BMPER: variants seen among roughly 807,000 people sequenced by gnomAD.
BMPER encodes the protein BMP-binding endothelial regulator protein.
Under a neutral mutation model 87.3 loss-of-function variants are expected in BMPER, and 45 were observed. The ratio of observed to expected loss-of-function variants is 0.52; its 90% confidence interval spans 0.41 to 0.66. The LOEUF (loss-of-function observed/expected upper bound fraction) is 0.66, where lower values mean the gene tolerates loss of function less well. Ranked by LOEUF, BMPER falls within the 30% of genes least tolerant of loss-of-function variation. The pLI, the probability that BMPER is intolerant of heterozygous loss-of-function variation, is 0.00. For synonymous variants in BMPER, 326 were observed against 316.2 expected (o/e 1.03, Z -0.33); for missense variants, 784 against 867.5 (o/e 0.90, Z 1.21).
At chr7:34,094,763 G>C (rs1295513274) in intron 13 of BMPER, among the ~76,000 whole-genome samples, 1 of 152,158 alleles carries the variant, frequency 6.6e-6, no homozygotes, top group African/African-American at 2.4e-5. Context: ...GTTTGTGTGA[G>C]GGTTGCATCA....
chr7:34,077,993 C>T (rs377323480), intron 11 of BMPER, among the ~76,000 whole-genome samples: 221 of 151,766 alleles, frequency 1.5e-3, no homozygotes, highest in Admixed American at 2.6e-3. Flanking sequence ...TTTTTGAAAA[C>T]GGATAAAATA....
At chr7:33,962,660 A>G (rs1785299979) in intron 3 of BMPER, among the ~76,000 whole-genome samples, 1 of 152,174 alleles carries the variant, frequency 6.6e-6, no homozygotes, top group Admixed American at 6.5e-5. Context: ...TGGTTTAAAG[A>G]TATCGTAGTG....
At chr7:33,990,979 G>T (rs1448857028) in intron 6 of BMPER, among the ~76,000 whole-genome samples, 1 of 133,536 alleles carries the variant, frequency 7.5e-6, no homozygotes, top group Non-Finnish European at 1.6e-5. Context: ...CTTGATCATG[G>T]TGGATAAGCT....
intron 3 of BMPER, among the ~76,000 whole-genome samples, chr7:33,943,901 G>A (rs1389964844): frequency 1.3e-5 from 2 of 152,152 alleles, no homozygotes; most frequent in African/African-American, 4.8e-5. Context: ...GTGAGAAGTG[G>A]TATCAAGCTC....
At chr7:33,956,532 A>G (rs1029934692) in intron 3 of BMPER, among the ~76,000 whole-genome samples, 22 of 151,990 alleles carry the variant, frequency 1.4e-4, no homozygotes, top group African/African-American at 4.4e-4. Context: ...TAAAAGTTAT[A>G]CCCAAGTGTC....
intron 2 of BMPER, among the ~76,000 whole-genome samples, chr7:33,935,594 C>G (rs199930790): frequency 1.4e-5 from 2 of 147,598 alleles, no homozygotes; most frequent in African/African-American, 2.5e-5. Context: ...GAGAAAGAGA[C>G]AGAGAGAGAG....
At chr7:34,086,935 G>A (rs1050869417) in intron 13 of BMPER, among the ~76,000 whole-genome samples, 2 of 152,114 alleles carry the variant, frequency 1.3e-5, no homozygotes, top group African/African-American at 4.8e-5. Flanking sequence ...CAGCCCAAAA[G>A]GCCTTGTTTA....
At chr7:34,063,435 TTATC>T (rs1034205285) in intron 11 of BMPER, among the ~76,000 whole-genome samples, 10 of 151,886 alleles carry the variant, frequency 6.6e-5, no homozygotes, top group Non-Finnish European at 1.2e-4. Flanking sequence ...AATATAATAT[TTATC>T]TACTATATAT....
chr7:33,946,912 A>G (rs1784905898), intron 3 of BMPER, among the ~76,000 whole-genome samples: 1 of 152,224 alleles, frequency 6.6e-6, no homozygotes, highest in Non-Finnish European at 1.5e-5. Flanking sequence ...TTGTGAATCC[A>G]CGGGCCAGGT....
chr7:34,143,444 A>G, intron 14 of BMPER, 84 bp downstream of exon 14: 5 of 1,577,398 alleles, frequency 3.2e-6, no homozygotes, highest in Non-Finnish European at 4.3e-6. Context: ...GGATGCTGAC[A>G]TGAGTGGCCA....
intron 7 of BMPER, among the ~76,000 whole-genome samples, chr7:34,047,230 T>A (rs192797099): frequency 3.4e-4 from 52 of 152,266 alleles, no homozygotes; most frequent in Admixed American, 1.1e-3. Context: ...CATGAGGTTC[T>A]TTGGCTTTTG....
At chr7:33,983,182 A>G (rs1433601660) in intron 6 of BMPER, among the ~76,000 whole-genome samples, 1 of 152,166 alleles carries the variant, frequency 6.6e-6, no homozygotes, top group Non-Finnish European at 1.5e-5. Flanking sequence ...ATTCTACCTC[A>G]TCCTGGACTT....
At chr7:33,934,356 A>G (rs1314190508) in intron 2 of BMPER, among the ~76,000 whole-genome samples, 1 of 151,886 alleles carries the variant, frequency 6.6e-6, no homozygotes, top group Non-Finnish European at 1.5e-5. Flanking sequence ...TCCAAAGACT[A>G]CTCCACATTC....
At position 34,060,159 on chromosome 7, in the gene BMPER, T is replaced by C. The variant is rs938676641; in HGVS notation, c.1033-1843T>C. Among the ~76,000 whole-genome samples, 12 of 152,190 alleles carry C rather than the reference T, an allele frequency of 7.9e-5. No individual in the cohort carries two copies. In the East Asian group the frequency reaches 2.3e-3, roughly 29 times the overall value. ...GCATATTACACAGGTGCTCTGACTT[T>C]ACAGCTTGTACCTGATTTATTCCCC... On this transcript the variant is annotated intron_variant, in intron 10 of 14. Coordinates refer to ENST00000649409, the MANE Select transcript of BMPER (RefSeq NM_001365308.1).
intron 13 of BMPER, among the ~76,000 whole-genome samples, chr7:34,097,007 CATGTTA>C (rs1195523196): frequency 6.6e-6 from 1 of 152,152 alleles, no homozygotes; most frequent in African/African-American, 2.4e-5. Context: ...GCTTGCAGGG[CATGTTA>C]ATGAATGAGC....
chr7:34,138,055 G>A (rs1490317518), intron 13 of BMPER, among the ~76,000 whole-genome samples: 1 of 152,152 alleles, frequency 6.6e-6, no homozygotes, highest in Non-Finnish European at 1.5e-5. Context: ...CAATATGGGG[G>A]CCATTGGCAC....
In BMPER at chr7:34,153,166, G is replaced by A. The variant is rs1791226159; in HGVS notation, c.1951G>A (p.Glu651Lys). Residue 651 changes from glutamate (E) to lysine (K), a missense_variant, in exon 15 of 15, where the codon GAA (glutamate) becomes AAA (lysine). Coordinates refer to ENST00000649409, the MANE Select transcript of BMPER (RefSeq NM_001365308.1). ...TATCAAGACGTGTGACAACTGGAAT[G>A]AAATTGGTCCATGCAACAAGCCGTG... Reference protein sequence around the residue: ...GCIKTCDNWNEIGPCNKPCVA... With the variant: ...GCIKTCDNWNKIGPCNKPCVA... The A allele has an allele frequency of 6.2e-7, 1 of 1,614,004 alleles. No individual in the cohort carries two copies. The highest frequency in any genetic ancestry group is 1.1e-5 in the South Asian group (1 of 91,084).
intron 2 of BMPER, among the ~76,000 whole-genome samples, chr7:33,916,976 G>C (rs1284659321): frequency 6.6e-6 from 1 of 152,006 alleles, no homozygotes; most frequent in African/African-American, 2.4e-5. Flanking sequence ...TATAAACACT[G>C]TCTTTTTTTT....
rs1789191687 is a variant in BMPER at position 34,085,975 on chromosome 7, C to T, written c.1628C>T (p.Pro543Leu). The T allele has an allele frequency of 6.2e-7, 1 of 1,614,106 alleles. No individual in the cohort carries two copies. Among genetic ancestry groups the T allele is most frequent in the Non-Finnish European group, 8.5e-7 (1 of 1,180,028 alleles). The change falls in exon 13 of 15, where the codon CCT (proline) becomes CTT (leucine). Residue 543 changes from proline (P) to leucine (L), a missense_variant. By Grantham distance (98) the Pro-to-Leu change is moderately conservative. Coordinates refer to ENST00000649409, the MANE Select transcript of BMPER (RefSeq NM_001365308.1). ...FCNRPQRKPV[P>L]ELCQGTVKVK... ...AACAGACCTCAGAGAAAGCCAGTGC[C>T]TGAACTGTGTCAAGGGACAGTCAAG...
Sources: allele counts gnomAD v4.1 joint callset (sites outside exome capture counted in the v4.1 genomes callset), GRCh38; gene constraint gnomAD v4.1.1; transcripts MANE v1.5; gene names NCBI Gene and HGNC (gene_info 2026-07-23, HGNC 2026-07-21).